Variants in USP10 observed in about 807,000 individuals in gnomAD.
USP10 encodes the protein ubiquitin carboxyl-terminal hydrolase 10.
Under a neutral mutation model 84.5 loss-of-function variants are expected in USP10, and 22 were observed. That is an observed-to-expected ratio of 0.26 (90% confidence interval 0.19 to 0.37). USP10 has a LOEUF of 0.37. USP10 is among the 10% of genes least tolerant of loss of function. The pLI, the probability that USP10 is intolerant of heterozygous loss-of-function variation, is 1.00. For synonymous variants in USP10, 454 were observed against 387.6 expected (o/e 1.17, Z -2.01); for missense variants, 1,019 against 998.9 (o/e 1.02, Z -0.27).
At position 84,740,146 on chromosome 16, in the gene USP10, AT is replaced by A. The variant is rs1910456661; in HGVS notation, c.91-160del. Among the ~76,000 whole-genome samples, 3 of 152,358 alleles carry A rather than the reference AT, an allele frequency of 2.0e-5. No homozygotes were observed. The South Asian group carries it at 6.2e-4, about 32-fold the overall frequency. On this transcript the variant is annotated intron_variant, in intron 2 of 13. Transcript: ENST00000219473. ...GTGTTTTTTTCGTTAAATGAAGATG[AT>A]TTAGATTGCACTGACTCTTCATGTA...
At chr16:84,700,183 C>T (rs1344581542) in intron 1 of USP10, 72 bp downstream of exon 1, 2 of 1,127,352 alleles carry the variant, frequency 1.8e-6, no homozygotes, top group Admixed American at 5.0e-5. Flanking sequence ...GGCGGGCGGG[C>T]GTCCGCGCCC....
intron 1 of USP10, among the ~76,000 whole-genome samples, chr16:84,708,085 G>A (rs1225360379): frequency 6.6e-6 from 1 of 152,036 alleles, no homozygotes; most frequent in Non-Finnish European, 1.5e-5. Context: ...CGTCAAAAAA[G>A]AAAAGATAAG....
chr16:84,752,351 A>G (rs911650068), intron 4 of USP10, among the ~76,000 whole-genome samples: 1 of 152,258 alleles, frequency 6.6e-6, no homozygotes, highest in African/African-American at 2.4e-5. Flanking sequence ...ATTAGAGCCA[A>G]CTTCTATTAT....
rs1242369872 is a variant in USP10, at chr16:84,779,359, TAAG to T, written c.*280_*282del. The T allele has an allele frequency of 2.6e-5, 7 of 268,580 alleles. No homozygotes were observed. The highest frequency in any genetic ancestry group is 4.2e-5 in the Non-Finnish European group (6 of 142,234). 16.6% of individuals were successfully genotyped at this position (268,580 alleles called of 1,614,324 possible). A position where few individuals can be genotyped will look rare whatever the true frequency, so the allele number is the denominator to read the frequency against. ...TCTGAAATAATGCTGATTCCTGAGA[TAAG>T]AAAGTGGATTTGATCCCCAGTCTCA... On this transcript the variant is annotated 3_prime_UTR_variant, in exon 14 of 14. Coordinates refer to ENST00000219473, the MANE Select transcript of USP10 (RefSeq NM_005153.3).
At chr16:84,752,509 A>G (rs542422478) in intron 4 of USP10, among the ~76,000 whole-genome samples, 10 of 152,318 alleles carry the variant, frequency 6.6e-5, no homozygotes, top group African/African-American at 2.4e-4. Flanking sequence ...TGGAATGCGT[A>G]TTGGACTTTA....
At position 84,759,791 on chromosome 16, in the gene USP10, A is replaced by C. The variant is rs190359480; in HGVS notation, c.1395-100A>C. ...CAGCATTGGTTACCTAAAATCTACT[A>C]TACTCGTATAGCTGATATTCTACTT... On this transcript the variant is annotated intron_variant, in intron 6 of 13. Transcript: ENST00000219473. The C allele has an allele frequency of 2.5e-6, 3 of 1,212,288 alleles. No individual in the cohort carries two copies. In the African/African-American group the frequency reaches 4.5e-5, roughly 18 times the overall value. The allele number at this position is 1,212,288 out of a possible 1,614,324, so 75.1% of individuals were successfully genotyped here. A position where few individuals can be genotyped will look rare whatever the true frequency, so the allele number is the denominator to read the frequency against.
chr16:84,730,863 G>C (rs1178001382), intron 1 of USP10, among the ~76,000 whole-genome samples: 1 of 151,820 alleles, frequency 6.6e-6, no homozygotes. Context: ...TGATAATCCT[G>C]CAGAACATTC....
At chr16:84,733,323 TG>T (rs1909480386) in intron 1 of USP10, 111 bp from the exon 2 acceptor site, 3 of 794,482 alleles carry the variant, frequency 3.8e-6, no homozygotes, top group East Asian at 5.1e-5. Context: ...GAAAGGATCT[TG>T]GGGGTTATGG....
chr16:84,708,458 A>G (rs1262334491), intron 1 of USP10, among the ~76,000 whole-genome samples: 1 of 152,212 alleles, frequency 6.6e-6, no homozygotes, highest in Non-Finnish European at 1.5e-5. Context: ...CTCAAAAAAC[A>G]AAAAAGGAGG....
At chr16:84,702,323 C>A (rs1028309918) in intron 1 of USP10, among the ~76,000 whole-genome samples, 2 of 152,104 alleles carry the variant, frequency 1.3e-5, no homozygotes, top group Non-Finnish European at 2.9e-5. Context: ...TCTCAAAGTG[C>A]TGGGATTATA....
chr16:84,729,717 A>G (rs564497112), intron 1 of USP10, among the ~76,000 whole-genome samples: 1 of 152,352 alleles, frequency 6.6e-6, no homozygotes, highest in African/African-American at 2.4e-5. Context: ...TTAAAAGCTC[A>G]TGCATTTAAG....
intron 1 of USP10, among the ~76,000 whole-genome samples, chr16:84,705,524 C>T (rs1905371609): frequency 6.6e-6 from 1 of 151,352 alleles, no homozygotes; most frequent in African/African-American, 2.4e-5. Context: ...AGCCACCACA[C>T]CCAGCCACTC....
chr16:84,768,398 C>T, intron 11 of USP10, 40 bp downstream of exon 11: 1 of 1,486,156 alleles, frequency 6.7e-7, no homozygotes, highest in Non-Finnish European at 9.0e-7. Context: ...TACTAAGGTG[C>T]TCTGGTTTGG....
intron 1 of USP10, among the ~76,000 whole-genome samples, chr16:84,701,604 A>G (rs565925444): frequency 6.6e-6 from 1 of 152,372 alleles, no homozygotes; most frequent in East Asian, 1.9e-4. Flanking sequence ...TGATTTTGAC[A>G]TGAAGAAAGC....
chr16:84,728,207 A>G (rs1375254062), intron 1 of USP10, among the ~76,000 whole-genome samples: 1 of 152,214 alleles, frequency 6.6e-6, no homozygotes, highest in Non-Finnish European at 1.5e-5. Context: ...TCTGTGATAA[A>G]CTTTTTGGTG....
intron 1 of USP10, among the ~76,000 whole-genome samples, chr16:84,714,942 T>TTTTG (rs1906815885): frequency 6.7e-6 from 1 of 149,910 alleles, no homozygotes; most frequent in Non-Finnish European, 1.5e-5. Flanking sequence ...ATTATTTTTT[T>TTTTG]TTTTTGAGAT....
chr16:84,767,581 A>T (rs1189967564), intron 10 of USP10, among the ~76,000 whole-genome samples: 2 of 152,214 alleles, frequency 1.3e-5, no homozygotes, highest in African/African-American at 4.8e-5. Context: ...AATGGAAAGC[A>T]GCAGCGTTTT....
intron 2 of USP10, among the ~76,000 whole-genome samples, chr16:84,735,007 T>C (rs1013276540): frequency 6.6e-6 from 1 of 152,158 alleles, no homozygotes; most frequent in African/African-American, 2.4e-5. Flanking sequence ...ACGTTTTATT[T>C]TATTTTTTTA....
At chr16:84,724,873 AACCACCCAC>A (rs1489518697) in intron 1 of USP10, among the ~76,000 whole-genome samples, 5 of 152,204 alleles carry the variant, frequency 3.3e-5, no homozygotes, top group Non-Finnish European at 7.4e-5. Flanking sequence ...ATGTCCTCAG[AACCACCCAC>A]ACCACCTTCT....
Sources: allele counts gnomAD v4.1 joint callset (sites outside exome capture counted in the v4.1 genomes callset), GRCh38; gene constraint gnomAD v4.1.1; transcripts MANE v1.5; gene names NCBI Gene and HGNC (gene_info 2026-07-23, HGNC 2026-07-21).